Variants in ITPK1 observed in about 807,000 individuals in gnomAD.
ITPK1 encodes the protein inositol 1,3,4-trisphosphate 5/6-kinase.
ITPK1 carries 21 observed loss-of-function variants against 45.3 expected under a neutral mutation model. That is an observed-to-expected ratio of 0.46 (90% CI 0.33 to 0.67). The LOEUF (loss-of-function observed/expected upper bound fraction) is 0.67, where lower values mean the gene tolerates loss of function less well. ITPK1 is among the 30% of genes least tolerant of loss of function. The probability of loss-of-function intolerance (pLI) is 0.02; values close to 1 mark genes in which losing one functional copy is unlikely to be tolerated. For synonymous variants in ITPK1, 258 were observed against 253.6 expected (o/e 1.02, Z -0.16); for missense variants, 474 against 573.5 (o/e 0.83, Z 1.77).
At chr14:93,098,565 A>C (rs1892182877) in intron 2 of ITPK1, among the ~76,000 whole-genome samples, 1 of 152,128 alleles carries the variant, frequency 6.6e-6, no homozygotes, top group South Asian at 2.1e-4. Flanking sequence ...TGACAGGTCC[A>C]CCAGCCCCAC....
intron 5 of ITPK1, among the ~76,000 whole-genome samples, chr14:92,975,279 C>G (rs1286057589): frequency 6.6e-6 from 1 of 152,260 alleles, no homozygotes; most frequent in Non-Finnish European, 1.5e-5. Context: ...AGCTCCGCCA[C>G]AGGGTGCAGG....
intron 5 of ITPK1, among the ~76,000 whole-genome samples, chr14:92,973,239 G>C (rs1286876460): frequency 6.6e-6 from 1 of 152,230 alleles, no homozygotes; most frequent in Non-Finnish European, 1.5e-5. Context: ...TTGGGGACAG[G>C]AGAAGGCAGG....
chr14:92,984,254 T>C (rs1439293457), intron 5 of ITPK1, among the ~76,000 whole-genome samples: 1 of 152,182 alleles, frequency 6.6e-6, no homozygotes, highest in Non-Finnish European at 1.5e-5. Flanking sequence ...AACAGACCTG[T>C]GCAGGGCCGG....
At chr14:92,980,927 T>C (rs1217384738) in intron 5 of ITPK1, among the ~76,000 whole-genome samples, 1 of 152,218 alleles carries the variant, frequency 6.6e-6, no homozygotes, top group Non-Finnish European at 1.5e-5. Flanking sequence ...AGGCTGGTCT[T>C]GAGCTCTTGA....
At chr14:92,983,497 A>C (rs1397865035) in intron 5 of ITPK1, among the ~76,000 whole-genome samples, 1 of 152,208 alleles carries the variant, frequency 6.6e-6, no homozygotes, top group East Asian at 1.9e-4. Context: ...CTAATTAATC[A>C]ACAAGCCCAA....
intron 2 of ITPK1, among the ~76,000 whole-genome samples, chr14:93,078,393 GA>G (rs1300817165): frequency 6.6e-6 from 1 of 152,196 alleles, no homozygotes; most frequent in Non-Finnish European, 1.5e-5. Context: ...CATGAGACAG[GA>G]AGACAGAGGC....
intron 5 of ITPK1, among the ~76,000 whole-genome samples, chr14:92,991,739 G>A (rs994500610): frequency 6.6e-6 from 1 of 151,832 alleles, no homozygotes; most frequent in African/African-American, 2.4e-5. Context: ...AACACACCGT[G>A]CACACACCCA....
At chr14:93,052,329 G>T (rs147430037) in intron 3 of ITPK1, among the ~76,000 whole-genome samples, 1 of 152,124 alleles carries the variant, frequency 6.6e-6, no homozygotes, top group African/African-American at 2.4e-5. Context: ...TGGGCTCCTA[G>T]GAGGCCAAAG....
chr14:93,087,833 G>A (rs958392382), intron 2 of ITPK1, among the ~76,000 whole-genome samples: 2 of 152,224 alleles, frequency 1.3e-5, no homozygotes, highest in African/African-American at 4.8e-5. Context: ...CACGGTACCC[G>A]CAGATTCCCA....
chr14:93,045,482 T>C (rs566627542), intron 3 of ITPK1, among the ~76,000 whole-genome samples: 1 of 152,272 alleles, frequency 6.6e-6, no homozygotes, highest in East Asian at 1.9e-4. Context: ...AGAGTCTCCC[T>C]GAAACGTACT....
At chr14:93,084,999 C>G (rs1023892859) in intron 2 of ITPK1, among the ~76,000 whole-genome samples, 1 of 152,236 alleles carries the variant, frequency 6.6e-6, no homozygotes, top group African/African-American at 2.4e-5. Context: ...ATCCCTGTGC[C>G]CCCTGCAGAC....
At chr14:93,013,304 C>A (rs1595137071) in intron 4 of ITPK1, among the ~76,000 whole-genome samples, 1 of 151,682 alleles carries the variant, frequency 6.6e-6, no homozygotes. Context: ...CAAACAAAAA[C>A]AAAAAAAATC....
At chr14:93,111,425 GA>G (rs1892748416) in intron 2 of ITPK1, among the ~76,000 whole-genome samples, 1 of 152,080 alleles carries the variant, frequency 6.6e-6, no homozygotes, top group Non-Finnish European at 1.5e-5. Context: ...TGAGCATCTA[GA>G]AAAAGCCACA....
At chr14:92,963,188 G>A (rs1885182075) in intron 5 of ITPK1, among the ~76,000 whole-genome samples, 1 of 152,208 alleles carries the variant, frequency 6.6e-6, no homozygotes, top group Non-Finnish European at 1.5e-5. Context: ...TTTACACGCA[G>A]AGAGCTGTAC....
At position 92,940,446 on chromosome 14, in the gene ITPK1, T is replaced by TG. The variant is rs1424727347; in HGVS notation, c.*1114dup. The TG allele has an allele frequency of 2.4e-5, 27 of 1,115,162 alleles. No individual in the cohort carries two copies. The highest frequency in any genetic ancestry group is 1.7e-4 in the African/African-American group (10 of 59,942). The allele number at this position is 1,115,162 out of a possible 1,614,324, so 69.1% of individuals were successfully genotyped here. On this transcript the variant is annotated 3_prime_UTR_variant, in exon 11 of 11. Transcript: ENST00000267615. ...GTGAGTCTGAGGTGTGCAGAAGCGA[T>TG]GGGGGGCGGGTGGCTCCCTGGCACC...
chr14:92,970,127 A>G (rs1365493105), intron 5 of ITPK1, among the ~76,000 whole-genome samples: 2 of 152,192 alleles, frequency 1.3e-5, no homozygotes, highest in Non-Finnish European at 2.9e-5. Flanking sequence ...ACAAGAAAAC[A>G]AAAGTTCAGT....
intron 9 of ITPK1, among the ~76,000 whole-genome samples, chr14:92,948,998 C>T (rs1280959326): frequency 1.3e-5 from 2 of 151,340 alleles, no homozygotes; most frequent in Non-Finnish European, 2.9e-5. Context: ...CTGCTCACAG[C>T]CTCAAGGCCT....
intron 3 of ITPK1, among the ~76,000 whole-genome samples, chr14:93,045,137 C>T (rs1451556226): frequency 6.6e-6 from 1 of 152,246 alleles, no homozygotes; most frequent in East Asian, 1.9e-4. Context: ...GTTCCTTGCC[C>T]TTGCAGGCAC....
rs182591022 is a variant in ITPK1 at position 92,965,990 on chromosome 14, C to T, written c.365-3141G>A. The stretch of plus-strand genomic sequence containing the variant: ...TGCATTCCAGCCTGGGCAACAAGAG[C>T]GAAACTCCATATCAAAAAAAGAGAA... On this transcript the variant is annotated intron_variant, in intron 5 of 10. Coordinates refer to ENST00000267615, the MANE Select transcript of ITPK1 (RefSeq NM_014216.6). Among the ~76,000 whole-genome samples, 206 of 152,272 alleles carry T rather than the reference C, an allele frequency of 1.4e-3. 1 individual carries two copies. The East Asian group carries it at 0.037, about 27-fold the overall frequency.
Sources: allele counts gnomAD v4.1 joint callset (sites outside exome capture counted in the v4.1 genomes callset), GRCh38; gene constraint gnomAD v4.1.1; transcripts MANE v1.5; gene names NCBI Gene and HGNC (gene_info 2026-07-23, HGNC 2026-07-21).